Variants in C6orf52 observed in about 807,000 individuals in gnomAD.
C6orf52 encodes the protein chromosome 6 open reading frame 52, also known as putative uncharacterized protein C6orf52.
C6orf52 carries 16 observed loss-of-function variants against 16.6 expected under a neutral mutation model. The ratio of observed to expected loss-of-function variants is 0.96; its 90% CI spans 0.65 to 1.46. The LOEUF is 1.46. Ranked by LOEUF, C6orf52 falls within the 40% of genes most tolerant of loss-of-function variation. C6orf52 has a pLI of 0.00. For synonymous variants in C6orf52, 53 were observed against 61.4 expected, an observed-to-expected ratio of 0.86 and a Z score of 0.64; for missense variants, 166 against 182.3, an observed-to-expected ratio of 0.91 and a Z score of 0.52.
intron 3 of C6orf52, among the ~76,000 whole-genome samples, chr6:10,686,408 G>A (rs1432761388): frequency 6.6e-6 from 1 of 152,186 alleles, no homozygotes; most frequent in African/African-American, 2.4e-5. Context: ...GAAGGGAATG[G>A]GGAAGGAGGA....
chr6:10,680,224 T>C (rs1421600518), intron 4 of C6orf52, among the ~76,000 whole-genome samples: 1 of 151,992 alleles, frequency 6.6e-6, no homozygotes, highest in Non-Finnish European at 1.5e-5. Context: ...CACTCCAACC[T>C]GGGTGACAGA....
chr6:10,672,743 G>C lies in C6orf52; in HGVS notation c.317-1145C>G, dbSNP rs538385067. The C allele has an allele frequency of 9.8e-6, 5 of 510,622 alleles. No homozygotes were observed. The South Asian group carries it at 1.5e-4, about 15-fold the overall frequency. 31.6% of individuals were successfully genotyped at this position (510,622 alleles called of 1,614,324 possible). A position where few individuals can be genotyped will look rare whatever the true frequency, so the allele number is the denominator to read the frequency against. On this transcript the variant is annotated intron_variant, in intron 4 of 4. Coordinates refer to ENST00000259983, the MANE Select transcript of C6orf52 (RefSeq NM_001145020.3). ...GGTCAAGTGTGGAAACAGCAAGAAG[G>C]CTGCTGTCTGCAAGCCAAGAAGAGA...
intron 1 of C6orf52, among the ~76,000 whole-genome samples, chr6:10,688,374 T>G (rs1469694697): frequency 6.6e-6 from 1 of 152,222 alleles, no homozygotes; most frequent in Admixed American, 6.5e-5. Context: ...AGTGTCAAAA[T>G]TCAGGATAAC....
intron 4 of C6orf52, chr6:10,672,618 G>A: frequency 1.4e-6 from 1 of 698,374 alleles, no homozygotes. Context: ...ATCAGCCTGG[G>A]CAACATACTG....
intron 4 of C6orf52, among the ~76,000 whole-genome samples, chr6:10,679,580 A>C (rs1003020376): frequency 6.9e-6 from 1 of 145,162 alleles, no homozygotes; most frequent in Middle Eastern, 3.2e-3. Flanking sequence ...AAAAAAAAAA[A>C]CAAAAAACAA....
At position 10,694,600 on chromosome 6, in the gene C6orf52, G is replaced by C. The variant is rs1027957407; in HGVS notation, c.-118C>G. ...ACGCTGCCGGCGCTACAGCCCCTAA[G>C]CAACCGGCCGGAAGTCGGCCCCACC... On this transcript the variant is annotated 5_prime_UTR_variant, in exon 1 of 5. Transcript: ENST00000259983. 1 of 173,680 alleles carries C rather than the reference G, an allele frequency of 5.8e-6. No homozygotes were observed. The highest frequency in any genetic ancestry group is 2.4e-5 in the African/African-American group (1 of 42,080). The allele number at this position is 173,680 out of a possible 1,614,324, so 10.8% of individuals were successfully genotyped here.
chr6:10,674,322 T>C (rs1178959701), intron 4 of C6orf52, among the ~76,000 whole-genome samples: 1 of 152,106 alleles, frequency 6.6e-6, no homozygotes, highest in Non-Finnish European at 1.5e-5. Flanking sequence ...GGAACACAAA[T>C]TCAGTCCATA....
intron 1 of C6orf52, among the ~76,000 whole-genome samples, chr6:10,693,167 T>A (rs950839304): frequency 6.6e-6 from 1 of 152,190 alleles, no homozygotes; most frequent in African/African-American, 2.4e-5. Flanking sequence ...GGTATCAGTT[T>A]AAGATTATGA....
Position 10,694,599 on chromosome 6 carries a change from AG to A in C6orf52, c.-118del. 1.1e-5 allele frequency: 2 copies of A among 178,260 alleles called. No homozygotes were observed. The highest frequency in any genetic ancestry group is 1.0e-4 in the South Asian group (1 of 9,756). The allele number at this position is 178,260 out of a possible 1,614,324, so 11.0% of individuals were successfully genotyped here. A position where few individuals can be genotyped will look rare whatever the true frequency, so the allele number is the denominator to read the frequency against. On this transcript the variant is annotated 5_prime_UTR_variant, in exon 1 of 5. Transcript: ENST00000259983. ...CACGCTGCCGGCGCTACAGCCCCTA[AG>A]CAACCGGCCGGAAGTCGGCCCCACC...
chr6:10,692,802 G>A (rs903662012), intron 1 of C6orf52, among the ~76,000 whole-genome samples: 42 of 152,264 alleles, frequency 2.8e-4, no homozygotes, highest in African/African-American at 9.4e-4. Flanking sequence ...GGGATTACAG[G>A]AGTGAGCCAC....
intron 1 of C6orf52, among the ~76,000 whole-genome samples, chr6:10,694,089 G>A (rs1769614098): frequency 6.6e-6 from 1 of 151,956 alleles, no homozygotes; most frequent in Non-Finnish European, 1.5e-5. Context: ...GAGAAACCCT[G>A]TCTCTACTAA....
At chr6:10,675,422 T>C (rs1048144725) in intron 4 of C6orf52, among the ~76,000 whole-genome samples, 19 of 152,214 alleles carry the variant, frequency 1.2e-4, no homozygotes, top group African/African-American at 4.6e-4. Context: ...CTTTATCCAT[T>C]CATCCACTTA....
chr6:10,694,617 G>C (rs1303841776), upstream of C6orf52: 1 of 198,696 alleles, frequency 5.0e-6, no homozygotes, highest in African/African-American at 2.4e-5. Context: ...GCCGGAAGTC[G>C]GCCCCACCTC....
intron 4 of C6orf52, among the ~76,000 whole-genome samples, chr6:10,680,728 C>T (rs1768304285): frequency 6.6e-6 from 1 of 151,880 alleles, no homozygotes; most frequent in Non-Finnish European, 1.5e-5. Context: ...TCCACCTCTA[C>T]AAAAAATAAA....
chr6:10,687,618 T>C, intron 1 of C6orf52, 57 bp from the exon 2 acceptor site: 2 of 1,071,968 alleles, frequency 1.9e-6, no homozygotes, highest in Non-Finnish European at 2.8e-6. Flanking sequence ...ATCCAGCTTG[T>C]GGGCTGAAAC....
chr6:10,694,035 G>A (rs1393590113), intron 1 of C6orf52, among the ~76,000 whole-genome samples: 2 of 152,144 alleles, frequency 1.3e-5, no homozygotes, highest in African/African-American at 4.8e-5. Context: ...CGAGGCAAGC[G>A]GATCACCTGC....
intron 4 of C6orf52, chr6:10,674,901 C>T (rs1767746107): frequency 6.6e-6 from 1 of 151,928 alleles, no homozygotes; most frequent in African/African-American, 2.4e-5. Flanking sequence ...CCTCCACCTC[C>T]TGGGTTCAAG....
rs1007592787 is a variant in C6orf52 at position 10,687,098 on chromosome 6, C to T, written c.138G>A (p.Trp46Ter). The T allele has an allele frequency of 1.0e-5, 16 of 1,551,862 alleles. No homozygotes were observed. The highest frequency in any genetic ancestry group is 1.4e-5 in the African/African-American group (1 of 73,034). Residue 46 changes from tryptophan (W) to a stop codon, truncating the protein, a stop_gained, in exon 3 of 5, where the codon TGG becomes TGA. Coordinates refer to ENST00000259983, the MANE Select transcript of C6orf52 (RefSeq NM_001145020.3). LOFTEE classifies it high-confidence loss of function. ...QPSQSYRYGN[W>*]YARQHGSYLL... Reference sequence around the variant, plus strand: ...GGTAAGAGCCGTGCTGTCGCGCATACCAGTTGCCATAGCGGTAACTCTGGC... The same window carrying T: ...GGTAAGAGCCGTGCTGTCGCGCATATCAGTTGCCATAGCGGTAACTCTGGC...
chr6:10,671,754 A>C (rs1767441885), intron 4 of C6orf52, among the ~76,000 whole-genome samples, 156 bp from the exon 5 acceptor site: 1 of 152,236 alleles, frequency 6.6e-6, no homozygotes, highest in South Asian at 2.1e-4. Flanking sequence ...TTTCAATAAG[A>C]CTTGAAAATA....
Sources: allele counts gnomAD v4.1 joint callset (sites outside exome capture counted in the v4.1 genomes callset), GRCh38; gene constraint gnomAD v4.1.1; transcripts MANE v1.5; gene names NCBI Gene and HGNC (gene_info 2026-07-23, HGNC 2026-07-21).